FTO: variants seen among roughly 807,000 people sequenced by gnomAD.
The protein encoded by FTO is alpha-ketoglutarate-dependent dioxygenase FTO.
A neutral mutation model predicts 63.9 loss-of-function variants in FTO; 47 were observed. The ratio of observed to expected loss-of-function variants is 0.74; its 90% CI spans 0.58 to 0.94. The LOEUF is 0.94. Among genes scored for constraint, FTO ranks in the 40% least tolerant of loss-of-function variants. The pLI is 0.00. For missense variants in FTO, 562 were observed against 618.1 expected (o/e 0.91, Z 0.96); for synonymous variants, 207 against 224.4 (o/e 0.92, Z 0.69).
At chr16:54,096,199 G>T (rs964617546) in intron 8 of FTO, among the ~76,000 whole-genome samples, 2 of 152,162 alleles carry the variant, frequency 1.3e-5, no homozygotes, top group East Asian at 1.9e-4. Flanking sequence ...GCATCTTCTT[G>T]ATCACTGACC....
intron 8 of FTO, among the ~76,000 whole-genome samples, chr16:53,972,111 G>A (rs1420589661): frequency 1.3e-5 from 2 of 152,096 alleles, no homozygotes; most frequent in Admixed American, 6.6e-5. Flanking sequence ...ACTGCCCTTT[G>A]CTTAATAATA....
At chr16:53,754,961 G>A (rs949161921) in intron 1 of FTO, among the ~76,000 whole-genome samples, 5 of 152,152 alleles carry the variant, frequency 3.3e-5, no homozygotes, top group Non-Finnish European at 7.3e-5. Context: ...ACAGTGCTAG[G>A]ACAACTGTAC....
chr16:54,015,758 G>T (rs1379688556), intron 8 of FTO, among the ~76,000 whole-genome samples: 1 of 152,092 alleles, frequency 6.6e-6, no homozygotes, highest in African/African-American at 2.4e-5. Context: ...TGAAGCGCGG[G>T]TACTTTATTA....
chr16:53,965,106 C>T (rs771385823), intron 8 of FTO, among the ~76,000 whole-genome samples: 4 of 152,174 alleles, frequency 2.6e-5, no homozygotes, highest in Non-Finnish European at 5.9e-5. Flanking sequence ...TGGAGTCTCC[C>T]TCTGTTGCCC....
chr16:53,871,524 T>C (rs911694177), intron 4 of FTO, among the ~76,000 whole-genome samples: 9 of 152,188 alleles, frequency 5.9e-5, no homozygotes, highest in South Asian at 4.1e-4. Context: ...AAAGGGCAGA[T>C]ATGTACATTT....
intron 1 of FTO, among the ~76,000 whole-genome samples, chr16:53,797,000 G>A (rs542994164): frequency 1.3e-5 from 2 of 152,222 alleles, no homozygotes; most frequent in East Asian, 1.9e-4. Flanking sequence ...TGACTAGTTG[G>A]CATTTTCTCG....
intron 8 of FTO, chr16:53,956,893 G>A (rs1482068494): frequency 1.3e-5 from 2 of 152,044 alleles, no homozygotes; most frequent in African/African-American, 4.8e-5. Context: ...TCGAACTCCC[G>A]ACGTCAGGTG....
At chr16:53,942,110 A>C (rs1310541308) in intron 8 of FTO, among the ~76,000 whole-genome samples, 3 of 152,024 alleles carry the variant, frequency 2.0e-5, no homozygotes, top group East Asian at 3.9e-4. Flanking sequence ...TCTTTTTCTC[A>C]ACCTTGCCTG....
At chr16:54,034,579 G>T (rs1412338526) in intron 8 of FTO, among the ~76,000 whole-genome samples, 2 of 152,140 alleles carry the variant, frequency 1.3e-5, no homozygotes, top group African/African-American at 2.4e-5. Context: ...CGTGGGGAAT[G>T]AACTGAGCTT....
At chr16:53,843,662 C>T (rs1358024919) in intron 3 of FTO, among the ~76,000 whole-genome samples, 1 of 152,078 alleles carries the variant, frequency 6.6e-6, no homozygotes, top group Non-Finnish European at 1.5e-5. Flanking sequence ...TAGTTACTAA[C>T]CCCATTCATC....
chr16:54,109,493 G>C (rs1451941748), intron 8 of FTO, among the ~76,000 whole-genome samples: 1 of 152,164 alleles, frequency 6.6e-6, no homozygotes, highest in Non-Finnish European at 1.5e-5. Flanking sequence ...ACCATGCCCA[G>C]CTAACTTTTG....
intron 8 of FTO, among the ~76,000 whole-genome samples, chr16:53,949,338 A>G (rs773182213): frequency 4.6e-5 from 7 of 152,210 alleles, no homozygotes; most frequent in Non-Finnish European, 8.8e-5. Context: ...TAGAGGTGTG[A>G]GTTGGGAAGT....
chr16:53,852,586 T>G (rs1282109703), intron 4 of FTO, among the ~76,000 whole-genome samples: 2 of 152,190 alleles, frequency 1.3e-5, no homozygotes, highest in African/African-American at 4.8e-5. Context: ...TACATAATGA[T>G]GTTGATGTAA....
chr16:54,074,923 T>A (rs202162822), intron 8 of FTO, among the ~76,000 whole-genome samples: 25,267 of 139,162 alleles, frequency 0.18, 2,516 homozygotes, highest in East Asian at 0.33. Context: ...AGAGAGTGTG[T>A]GTGTGTGTGT....
intron 7 of FTO, among the ~76,000 whole-genome samples, chr16:53,890,613 A>C (rs183155743): frequency 6.6e-6 from 1 of 152,344 alleles, no homozygotes; most frequent in East Asian, 1.9e-4. Context: ...AAGGAATGTT[A>C]TAATCCTTTT....
chr16:53,936,687 T>C (rs1239701064), intron 8 of FTO, among the ~76,000 whole-genome samples: 1 of 152,206 alleles, frequency 6.6e-6, no homozygotes, highest in Non-Finnish European at 1.5e-5. Context: ...AGCAATAGGT[T>C]ACAGTATTTT....
At chr16:53,942,805 C>T (rs540819242) in intron 8 of FTO, among the ~76,000 whole-genome samples, 3 of 152,290 alleles carry the variant, frequency 2.0e-5, no homozygotes, top group East Asian at 1.9e-4. Flanking sequence ...ATTGTGTCAT[C>T]GGACCACGTC....
At chr16:53,964,251 G>A (rs987247969) in intron 8 of FTO, among the ~76,000 whole-genome samples, 1 of 152,160 alleles carries the variant, frequency 6.6e-6, no homozygotes, top group Non-Finnish European at 1.5e-5. Flanking sequence ...TGTGACAACT[G>A]TTCTCCTCTG....
intron 7 of FTO, among the ~76,000 whole-genome samples, chr16:53,904,780 A>G (rs1054037869): frequency 6.6e-6 from 1 of 152,092 alleles, no homozygotes; most frequent in Non-Finnish European, 1.5e-5. Flanking sequence ...TTCTGATATG[A>G]TGAGCCTCCT....
Sources: allele counts gnomAD v4.1 joint callset (sites outside exome capture counted in the v4.1 genomes callset), GRCh38; gene constraint gnomAD v4.1.1; transcripts MANE v1.5; gene names NCBI Gene and HGNC (gene_info 2026-07-23, HGNC 2026-07-21).